INSL6: variants seen among roughly 807,000 people sequenced by gnomAD.
INSL6 encodes the protein insulin like 6.
A neutral mutation model predicts 9.4 loss-of-function variants in INSL6; 16 were observed. The observed-to-expected ratio is 1.70, with a 90% confidence interval of 1.15 to 2.59. The LOEUF (loss-of-function observed/expected upper bound fraction) is 2.59, where lower values mean the gene tolerates loss of function less well. Among genes scored for constraint, INSL6 ranks in the 30% most tolerant of loss-of-function variants. INSL6 has a pLI of 0.00. For synonymous variants in INSL6, 154 were observed against 96.9 expected (o/e 1.59, Z -3.46); for missense variants, 391 against 257.3 (o/e 1.52, Z -3.56).
At chr9:5,041,479 C>G in the INSL6 span, 1 of 600,052 alleles carries the variant, frequency 1.7e-6, no homozygotes, top group Non-Finnish European at 3.2e-6. Context: ...CTGACACGAT[C>G]ATGAGCGGTA....
At chr9:5,035,870 G>C in the INSL6 span, among the ~76,000 whole-genome samples, 1 of 152,348 alleles carries the variant, frequency 6.6e-6, no homozygotes, top group South Asian at 2.1e-4. Context: ...AGTGTTGGAA[G>C]TTCTGGCCAG....
At chr9:5,042,252 C>T in the INSL6 span, among the ~76,000 whole-genome samples, 1 of 151,810 alleles carries the variant, frequency 6.6e-6, no homozygotes, top group Non-Finnish European at 1.5e-5. Context: ...ATTCTCCTGC[C>T]TCAGCCTCCC....
At chr9:5,105,369 A>G in the INSL6 span, among the ~76,000 whole-genome samples, 1 of 152,216 alleles carries the variant, frequency 6.6e-6, no homozygotes, top group Non-Finnish European at 1.5e-5. Context: ...GGACCTCTGG[A>G]CCTCTTCAAG....
chr9:5,109,041 C>T, the INSL6 span: 1 of 152,068 alleles, frequency 6.6e-6, no homozygotes, highest in East Asian at 1.9e-4. Context: ...TACCATTAAT[C>T]TAGTAAGGGA....
At chr9:5,074,405 G>T in the INSL6 span, among the ~76,000 whole-genome samples, 4,922 of 152,182 alleles carry the variant, frequency 0.032, 107 homozygotes, top group Non-Finnish European at 0.049. Flanking sequence ...TTTCCCAACA[G>T]CATGTGCTCA....
At chr9:5,032,805 G>A in the INSL6 span, among the ~76,000 whole-genome samples, 3 of 152,194 alleles carry the variant, frequency 2.0e-5, no homozygotes, top group Non-Finnish European at 4.4e-5. Context: ...AAAAAACAGA[G>A]CAGAAAAACT....
At chr9:5,081,701 T>A in the INSL6 span, 1 of 1,526,514 alleles carries the variant, frequency 6.6e-7, no homozygotes, top group Non-Finnish European at 9.1e-7. Flanking sequence ...TAATTTAAGG[T>A]GATAATATTC....
At chr9:4,994,640 A>G in the INSL6 span, among the ~76,000 whole-genome samples, 1 of 152,242 alleles carries the variant, frequency 6.6e-6, no homozygotes, top group Non-Finnish European at 1.5e-5. Context: ...TATAGACAAT[A>G]CGTAAATGAA....
chr9:5,162,608 A>AGG (rs1824949977), downstream of INSL6, among the ~76,000 whole-genome samples: 1 of 152,216 alleles, frequency 6.6e-6, no homozygotes, highest in Non-Finnish European at 1.5e-5. Context: ...GACCTACTCT[A>AGG]CCACTGAACC....
At chr9:5,004,201 A>C in the INSL6 span, among the ~76,000 whole-genome samples, 2 of 152,132 alleles carry the variant, frequency 1.3e-5, no homozygotes, top group African/African-American at 2.4e-5. Context: ...ATTGGTAATC[A>C]CCATGATGTA....
intron 1 of INSL6, among the ~76,000 whole-genome samples, chr9:5,179,246 C>A (rs1016367919): frequency 2.0e-5 from 3 of 152,010 alleles, no homozygotes; most frequent in African/African-American, 7.2e-5. Context: ...ATGTGGCCAA[C>A]AAACAAAAAA....
chr9:5,137,936 T>A (rs768845708), intron 2 of INSL6, among the ~76,000 whole-genome samples: 1 of 150,166 alleles, frequency 6.7e-6, no homozygotes, highest in Non-Finnish European at 1.5e-5. Flanking sequence ...TGAACAGACA[T>A]TTCTCAAAAG....
the INSL6 span, among the ~76,000 whole-genome samples, chr9:5,037,478 C>A: frequency 4.0e-4 from 61 of 152,272 alleles, no homozygotes; most frequent in African/African-American, 1.4e-3. Flanking sequence ...CAATGATAGA[C>A]TGGATTAAGA....
At chr9:5,099,710 C>T in the INSL6 span, 1 of 152,172 alleles carries the variant, frequency 6.6e-6, no homozygotes, top group East Asian at 1.9e-4. Context: ...TTAATCCAAC[C>T]TGCACTAAAA....
chr9:5,005,141 G>T, the INSL6 span, among the ~76,000 whole-genome samples: 2 of 109,258 alleles, frequency 1.8e-5, no homozygotes, highest in East Asian at 2.9e-4. Context: ...TTAGGTACAG[G>T]GTCTCACTGT....
chr9:5,111,222 G>A, the INSL6 span: 2 of 581,386 alleles, frequency 3.4e-6, no homozygotes, highest in Non-Finnish European at 6.3e-6. Context: ...AGAGCAGCTA[G>A]CGCGGGCCTA....
At chr9:5,169,915 G>C (rs576857566) in intron 1 of INSL6, among the ~76,000 whole-genome samples, 5 of 152,214 alleles carry the variant, frequency 3.3e-5, no homozygotes, top group African/African-American at 1.2e-4. Flanking sequence ...CACAATAATA[G>C]TGGGAGACTT....
the INSL6 span, among the ~76,000 whole-genome samples, chr9:5,027,351 A>G: frequency 6.6e-6 from 1 of 152,212 alleles, no homozygotes; most frequent in East Asian, 1.9e-4. Flanking sequence ...GTATGCAATA[A>G]TATTATGTCC....
chr9:5,128,712 A>G (rs1174551056), intron 3 of INSL6, among the ~76,000 whole-genome samples: 1 of 151,900 alleles, frequency 6.6e-6, no homozygotes, highest in Non-Finnish European at 1.5e-5. Flanking sequence ...CAAGTTTCCA[A>G]GAGACTTCTT....
Sources: allele counts gnomAD v4.1 joint callset (sites outside exome capture counted in the v4.1 genomes callset), GRCh38; gene constraint gnomAD v4.1.1; transcripts MANE v1.5; gene names NCBI Gene and HGNC (gene_info 2026-07-23, HGNC 2026-07-21).